IKBKB-DT: variants seen among roughly 807,000 people sequenced by gnomAD.
The protein encoded by IKBKB-DT is IKBKB divergent transcript.
At chr8:42,241,114 TA>T (rs1806995765) in intron 3 of IKBKB-DT, among the ~76,000 whole-genome samples, 2 of 152,058 alleles carry the variant, frequency 1.3e-5, no homozygotes, top group Non-Finnish European at 2.9e-5. Context: ...AGTCAAATGT[TA>T]AAAGAAAAAA....
intron 3 of IKBKB-DT, among the ~76,000 whole-genome samples, chr8:42,246,904 ATTAG>A (rs1371423921): frequency 2.0e-5 from 3 of 152,154 alleles, no homozygotes; most frequent in Non-Finnish European, 4.4e-5. Flanking sequence ...ATCATCAGGC[ATTAG>A]TTAGATTATC....
exon 2 of IKBKB-DT, among the ~76,000 whole-genome samples, chr8:42,265,868 G>A (rs1204611990): frequency 6.6e-6 from 1 of 152,158 alleles, no homozygotes; most frequent in East Asian, 1.9e-4. Context: ...ACAACAGCCG[G>A]CTGGCCCTGC....
chr8:42,236,243 C>T (rs1806920345), intron 3 of IKBKB-DT, among the ~76,000 whole-genome samples: 1 of 151,806 alleles, frequency 6.6e-6, no homozygotes, highest in Non-Finnish European at 1.5e-5. Flanking sequence ...TCCAGCAATC[C>T]ACCCACCTTG....
At chr8:42,263,765 C>A (rs1807325998) in intron 2 of IKBKB-DT, among the ~76,000 whole-genome samples, 1 of 152,202 alleles carries the variant, frequency 6.6e-6, no homozygotes, top group African/African-American at 2.4e-5. Context: ...AGCCACACTT[C>A]TTTTCCTGGT....
Position 42,251,357 on chromosome 8 carries a change from T to C in IKBKB-DT, n.1529+11972A>G, listed in dbSNP as rs112027336. On this transcript the variant is annotated intron_variant and non_coding_transcript_variant, in intron 3 of 3. Transcript: ENST00000518213. ...GACCTCACAATCTTAAACTGATACC[T>C]GATTTGCTAATAGCCTAAAACTTTC... Among the ~76,000 whole-genome samples the C allele has an allele frequency of 3.5e-3, 536 of 152,340 alleles. 5 individuals are homozygous for C. The highest frequency in any genetic ancestry group is 0.024 in the Middle Eastern group (7 of 294).
intron 1 of IKBKB-DT, among the ~76,000 whole-genome samples, chr8:42,267,076 C>T (rs1807382881): frequency 6.7e-6 from 1 of 150,158 alleles, no homozygotes; most frequent in South Asian, 2.1e-4. Context: ...TCTTGGCTCA[C>T]TGCAAGATCC....
chr8:42,239,840 TG>T (rs1022185542), intron 3 of IKBKB-DT, among the ~76,000 whole-genome samples: 2 of 151,386 alleles, frequency 1.3e-5, no homozygotes, highest in Admixed American at 1.3e-4. Flanking sequence ...GGTTTTGCCA[TG>T]TTGGCCAGGC....
chr8:42,240,223 G>GTT (rs61546766), intron 3 of IKBKB-DT, among the ~76,000 whole-genome samples: 27,619 of 140,124 alleles, frequency 0.2, 2,952 homozygotes, highest in African/African-American at 0.29. Flanking sequence ...GCCAAATGCT[G>GTT]TTTTTTTTTT....
intron 3 of IKBKB-DT, among the ~76,000 whole-genome samples, chr8:42,239,636 T>TATA (rs55662464): frequency 0.013 from 368 of 28,208 alleles, 38 homozygotes; most frequent in Admixed American, 0.026. Flanking sequence ...ATATATATAT[T>TATA]TATTTATTTA....
intron 3 of IKBKB-DT, among the ~76,000 whole-genome samples, chr8:42,245,029 CA>C (rs1207399648): frequency 6.6e-6 from 1 of 151,852 alleles, no homozygotes; most frequent in East Asian, 1.9e-4. Flanking sequence ...GCAGGAGGAT[CA>C]CGAGGTCAGG....
rs564194280 is a variant in IKBKB-DT at position 42,239,317 on chromosome 8, T to C, written n.1530-5458A>G. On this transcript the variant is annotated intron_variant and non_coding_transcript_variant, in intron 3 of 3. Transcript: ENST00000518213. The stretch of plus-strand genomic sequence containing the variant: ...CCAACAGCATGGCCCTCATCCCGCT[T>C]CCCATCTCCTTCTCGCTCCCTTTAG... 2.3e-3 allele frequency among the ~76,000 whole-genome samples: 345 copies of C among 151,872 alleles called. 1 individual carries two copies. The highest frequency in any genetic ancestry group is 3.9e-3 in the Non-Finnish European group (264 of 67,926).
chr8:42,267,033 C>T (rs1807381999), intron 1 of IKBKB-DT, among the ~76,000 whole-genome samples: 1 of 143,368 alleles, frequency 7.0e-6, no homozygotes, highest in African/African-American at 2.7e-5. Context: ...TGGAGTCTCG[C>T]TCTGTCGCCC....
At chr8:42,247,866 G>A (rs755560729) in intron 3 of IKBKB-DT, among the ~76,000 whole-genome samples, 18 of 152,178 alleles carry the variant, frequency 1.2e-4, no homozygotes, top group Non-Finnish European at 1.6e-4. Flanking sequence ...AGGCTAAGGC[G>A]GGTGGATCAC....
chr8:42,241,712 A>G (rs948453234), intron 3 of IKBKB-DT, among the ~76,000 whole-genome samples: 1 of 152,170 alleles, frequency 6.6e-6, no homozygotes, highest in Non-Finnish European at 1.5e-5. Flanking sequence ...GAAAGCTTCA[A>G]CCCTTTGTGG....
chr8:42,234,676 C>T (rs1806894695), intron 3 of IKBKB-DT, among the ~76,000 whole-genome samples: 1 of 152,098 alleles, frequency 6.6e-6, no homozygotes, highest in Admixed American at 6.6e-5. Flanking sequence ...GTCACCCAGG[C>T]TGGAGTGCAG....
At chr8:42,236,040 A>G (rs947129268) in intron 3 of IKBKB-DT, among the ~76,000 whole-genome samples, 31 of 152,328 alleles carry the variant, frequency 2.0e-4, no homozygotes, top group Non-Finnish European at 3.5e-4. Flanking sequence ...AAACAACAAC[A>G]ACAAAAAACA....
At chr8:42,234,775 G>A (rs1806895662) in intron 3 of IKBKB-DT, among the ~76,000 whole-genome samples, 1 of 152,070 alleles carries the variant, frequency 6.6e-6, no homozygotes, top group South Asian at 2.1e-4. Context: ...GATTACAGGT[G>A]TCCACCATCA....
chr8:42,243,483 C>T (rs1167380861), intron 3 of IKBKB-DT, among the ~76,000 whole-genome samples: 5 of 152,162 alleles, frequency 3.3e-5, no homozygotes, highest in Non-Finnish European at 5.9e-5. Flanking sequence ...CTCAGAACCC[C>T]AGAACATCTC....
chr8:42,256,544 C>A (rs1241968438), intron 3 of IKBKB-DT, among the ~76,000 whole-genome samples: 1 of 152,026 alleles, frequency 6.6e-6, no homozygotes, highest in East Asian at 1.9e-4. Context: ...TGCACTCCAA[C>A]CTGGGCAACA....
Sources: gnomAD v4.1 joint callset for allele counts (sites outside exome capture counted in the v4.1 genomes callset) on GRCh38, gnomAD v4.1.1 for gene constraint, MANE v1.5 for transcripts, NCBI Gene and HGNC (gene_info 2026-07-23, HGNC 2026-07-21) for gene names.